Variants in SAMD14 observed in about 807,000 individuals in gnomAD.
SAMD14 encodes the protein sterile alpha motif domain containing 14, also known as sterile alpha motif domain-containing protein 14.
SAMD14 carries 27 observed loss-of-function variants against 46.2 expected under a neutral mutation model. The ratio of observed to expected loss-of-function variants is 0.58; its 90% CI spans 0.43 to 0.81. SAMD14 has a LOEUF of 0.81. Ranked by LOEUF, SAMD14 falls within the 30% of genes least tolerant of loss-of-function variation. The pLI is 0.00. For synonymous variants in SAMD14, 241 were observed against 254.3 expected, an observed-to-expected ratio of 0.95 and a Z score of 0.50; for missense variants, 559 against 582.2, an observed-to-expected ratio of 0.96 and a Z score of 0.41.
chr17:50,122,611 T>G (rs148113074), intron 2 of SAMD14, among the ~76,000 whole-genome samples: 1 of 152,270 alleles, frequency 6.6e-6, no homozygotes, highest in Non-Finnish European at 1.5e-5. Context: ...CTTTGCTGTC[T>G]CCCCAGAGCC....
At chr17:50,117,888 G>T in intron 3 of SAMD14, 193 bp from the exon 4 acceptor site, 1 of 664,546 alleles carries the variant, frequency 1.5e-6, no homozygotes, top group Non-Finnish European at 2.3e-6. Context: ...CACACAGGCT[G>T]GGGCTGAATT....
chr17:50,110,222 C>G lies in SAMD14; in HGVS notation c.*2671G>C. On this transcript the variant is annotated 3_prime_UTR_variant, in exon 10 of 10. Transcript: ENST00000330175. ...TCTCCCTGATGACCAGGTTCTGTCTCTATGGAAGTCACTGCGGTGATAGGT... is the reference window on the plus strand; with the variant it reads ...TCTCCCTGATGACCAGGTTCTGTCTGTATGGAAGTCACTGCGGTGATAGGT... 9.3e-7 allele frequency: 1 copy of G among 1,071,514 alleles called. No homozygotes were observed. Among genetic ancestry groups the G allele is most frequent in the Non-Finnish European group, 1.3e-6 (1 of 767,148 alleles). 66.4% of individuals were successfully genotyped at this position (1,071,514 alleles called of 1,614,324 possible). A position where few individuals can be genotyped will look rare whatever the true frequency, so the allele number is the denominator to read the frequency against.
At chr17:50,118,400 G>A in intron 2 of SAMD14, 73 bp from the exon 3 acceptor site, 1 of 1,553,236 alleles carries the variant, frequency 6.4e-7, no homozygotes, top group South Asian at 1.1e-5. Context: ...CCACCTCAGG[G>A]GCCACCTGCA....
rs769312248 is a variant in SAMD14, at chr17:50,117,512, C to T, written c.394G>A (p.Glu132Lys). 6.7e-7 allele frequency: 1 copy of T among 1,485,732 alleles called. No individual in the cohort carries two copies. Among genetic ancestry groups the T allele is most frequent in the Non-Finnish European group, 8.9e-7 (1 of 1,127,236 alleles). The allele number at this position is 1,485,732 out of a possible 1,614,324, so 92.0% of individuals were successfully genotyped here. Reference sequence around the variant, plus strand: ...GAGCAGGAGGCGGCGGCCAGGCCCTCGTGCGACGCAGCGTTGTGCAGGGGC... The same window carrying T: ...GAGCAGGAGGCGGCGGCCAGGCCCTTGTGCGACGCAGCGTTGTGCAGGGGC... ...YRPLHNAASH[E>K]GLAAASCSPP... Residue 132 changes from glutamate to lysine, a missense_variant, in exon 4 of 10, where the codon GAG (glutamate) becomes AAG (lysine). Physicochemically the swap from Glu to Lys is moderately conservative, Grantham distance 56. Coordinates refer to ENST00000330175, the MANE Select transcript of SAMD14 (RefSeq NM_001257359.2).
At chr17:50,116,399 A>G in intron 4 of SAMD14, 1 of 190,258 alleles carries the variant, frequency 5.3e-6, no homozygotes, top group Non-Finnish European at 1.0e-5. Flanking sequence ...ATCCTGGCCA[A>G]CTTTTTTTTT....
chr17:50,113,390 C>T (rs886543690), intron 9 of SAMD14: 48 of 301,702 alleles, frequency 1.6e-4, no homozygotes, highest in African/African-American at 1.0e-3. Context: ...CAGTTAGTGC[C>T]CAAGGACCCT....
chr17:50,118,136 A>G (rs778236271), intron 3 of SAMD14, 25 bp downstream of exon 3: 31 of 1,563,662 alleles, frequency 2.0e-5, no homozygotes, highest in Non-Finnish European at 2.4e-5. Flanking sequence ...GAGGGTGTAT[A>G]TGTGTTTTCC....
intron 2 of SAMD14, among the ~76,000 whole-genome samples, chr17:50,121,662 A>G (rs1190807381): frequency 6.6e-6 from 1 of 151,258 alleles, no homozygotes; most frequent in Non-Finnish European, 1.5e-5. Flanking sequence ...TGCTTTTGAA[A>G]CTCTCGCAGA....
At position 50,118,226 on chromosome 17, in the gene SAMD14, A is replaced by G. The variant is rs1911338248; in HGVS notation, c.145T>C (p.Ser49Pro). Residue 49 changes from serine (S) to proline (P), a missense_variant, in exon 3 of 10, where the codon TCC becomes CCC. Physicochemically the swap from Ser to Pro is moderately conservative, Grantham distance 74. Transcript: ENST00000330175. ...GAGCTGGCACTGTCCCGAAGCCTGG[A>G]GCGGGATGGCCGGTGTCTCCGGCCC... ...AKGRRHRPSRSRLRDSASSAE... is the reference protein window; with the variant it reads ...AKGRRHRPSRPRLRDSASSAE... 2.5e-6 allele frequency: 4 copies of G among 1,613,612 alleles called. No individual in the cohort carries two copies. Among genetic ancestry groups the G allele is most frequent in the African/African-American group, 2.7e-5 (2 of 74,924 alleles).
rs773010206 is a variant in SAMD14, at chr17:50,112,842, C to T, written c.*51G>A. 28 of 1,571,008 alleles carry T rather than the reference C, an allele frequency of 1.8e-5. No homozygotes were observed. The highest frequency in any genetic ancestry group is 2.2e-4 in the Middle Eastern group (1 of 4,528). On this transcript the variant is annotated 3_prime_UTR_variant, in exon 10 of 10. Transcript: ENST00000330175. ...CAGCCTCCCTGGTGAGGCCTGTGCC[C>T]GCGGAGCCAGTGGCTGCCCCTGCCG... is the stretch of plus-strand genomic sequence containing the variant.
Position 50,117,553 on chromosome 17 carries a change from G to T in SAMD14, c.353C>A (p.Pro118Gln). ...GTGCAGGGGCCGGTAGCGTGTGAGC[G>T]GCGAGGGCGGCGGCTCGTCCTCGTC... ...SLDEDEPPPS[P>Q]LTRYRPLHNA... Residue 118 changes from proline to glutamine, a missense_variant, in exon 4 of 10, where the codon CCG becomes CAG. By Grantham distance (76) the Pro-to-Gln change is moderately conservative (BLOSUM62 -1). Transcript: ENST00000330175. The T allele has an allele frequency of 6.4e-7, 1 of 1,551,828 alleles. No individual in the cohort carries two copies. The highest frequency in any genetic ancestry group is 8.6e-7 in the Non-Finnish European group (1 of 1,159,266).
chr17:50,115,789 G>C lies in SAMD14; in HGVS notation c.662+41C>G. 6.2e-7 allele frequency: 1 copy of C among 1,612,978 alleles called. No homozygotes were observed. The highest frequency in any genetic ancestry group is 8.5e-7 in the Non-Finnish European group (1 of 1,179,876). Reference sequence around the variant, plus strand: ...GAGGACCAGAGCACATGGGGAGCCAGGGGCGGGAGCTGTGGGTGGGCCGCC... The same window carrying C: ...GAGGACCAGAGCACATGGGGAGCCACGGGCGGGAGCTGTGGGTGGGCCGCC... On this transcript the variant is annotated intron_variant, in intron 6 of 9. Coordinates refer to ENST00000330175, the MANE Select transcript of SAMD14 (RefSeq NM_001257359.2). This position sits in a 1 kb window ranked among gnomAD's most constrained non-coding sequence, Gnocchi z 5.3.
Position 50,117,540 on chromosome 17 carries a change from G to A in SAMD14, c.366C>T (p.Tyr122=). 1.3e-6 allele frequency: 2 copies of A among 1,552,330 alleles called. No individual in the cohort carries two copies. The highest frequency in any genetic ancestry group is 1.7e-6 in the Non-Finnish European group (2 of 1,159,618). The stretch of plus-strand genomic sequence containing the variant: ...GCGACGCAGCGTTGTGCAGGGGCCG[G>A]TAGCGTGTGAGCGGCGAGGGCGGCG... ...DEPPPSPLTR[Y]RPLHNAASHE... is the part of the protein sequence containing the mutation. Residue 122 remains tyrosine (Y), a synonymous_variant, in exon 4 of 10, where the codon TAC becomes TAT. Transcript: ENST00000330175.
intron 2 of SAMD14, among the ~76,000 whole-genome samples, chr17:50,122,807 G>A (rs897803904): frequency 5.3e-5 from 8 of 152,110 alleles, no homozygotes; most frequent in African/African-American, 1.9e-4. Context: ...TGCAGCCTTG[G>A]GCTTGGAGCA....
intron 1 of SAMD14, chr17:50,125,256 T>C (rs1239161612): frequency 7.3e-6 from 3 of 412,776 alleles, no homozygotes; most frequent in Non-Finnish European, 1.3e-5. Flanking sequence ...ACTGATTTGC[T>C]GTGTGCCTTC....
Position 50,112,769 on chromosome 17 carries a change from C to T in SAMD14, c.*124G>A. ...GTGACAGGGTAAGAGAGAGCATGTCCCCCCTGAGAGCGTGGGACCAGGCTA... is the reference window on the plus strand; with the variant it reads ...GTGACAGGGTAAGAGAGAGCATGTCTCCCCTGAGAGCGTGGGACCAGGCTA... On this transcript the variant is annotated 3_prime_UTR_variant, in exon 10 of 10. Transcript: ENST00000330175. The T allele has an allele frequency of 8.8e-7, 1 of 1,137,824 alleles. No homozygotes were observed. The highest frequency in any genetic ancestry group is 1.2e-6 in the Non-Finnish European group (1 of 812,744). The allele number at this position is 1,137,824 out of a possible 1,614,324, so 70.5% of individuals were successfully genotyped here.
chr17:50,120,589 A>G (rs1232452355), intron 2 of SAMD14, among the ~76,000 whole-genome samples: 1 of 152,160 alleles, frequency 6.6e-6, no homozygotes, highest in African/African-American at 2.4e-5. Context: ...CTTCCATCTT[A>G]TGCAGATTAA....
In SAMD14 at chr17:50,113,978, A is replaced by C; in HGVS notation, c.1044T>G (p.Ala348=). 8 of 1,613,714 alleles carry C rather than the reference A, an allele frequency of 5.0e-6. No individual in the cohort carries two copies. Among genetic ancestry groups the C allele is most frequent in the Non-Finnish European group, 6.8e-6 (8 of 1,180,026 alleles). The change falls in exon 9 of 10, where the codon GCT becomes GCG. Residue 348 remains alanine, a synonymous_variant. Transcript: ENST00000330175. ...GCTGCGGCCCGTCTACCTGCCGTGCAGCAAACTCAGCAGCATACTGTTCCA... is the reference window on the plus strand; with the variant it reads ...GCTGCGGCCCGTCTACCTGCCGTGCCGCAAACTCAGCAGCATACTGTTCCA... ...LNLEQYAAEF[A]ARQVDGPQLL...
chr17:50,115,986 GC>G lies in SAMD14; in HGVS notation c.587+16del, dbSNP rs1454384858. 38 of 1,613,692 alleles carry G rather than the reference GC, an allele frequency of 2.4e-5. No individual in the cohort carries two copies. Among genetic ancestry groups the G allele is most frequent in the Non-Finnish European group, 3.1e-5 (36 of 1,179,812 alleles). On this transcript the variant is annotated intron_variant, in intron 5 of 9. Coordinates refer to ENST00000330175, the MANE Select transcript of SAMD14 (RefSeq NM_001257359.2). The surrounding 1 kb of genome is among the most constrained non-coding windows in gnomAD (Gnocchi z 5.3). ...CAGCAGCTCCAAGCCCTGCGATCTA[GC>G]CCCGCCTCCACTCACCCCAGGTCCA...
Sources: gnomAD v4.1 joint callset for allele counts (sites outside exome capture counted in the v4.1 genomes callset) on GRCh38, gnomAD v4.1.1 for gene constraint, Gnocchi (gnomAD v3.1) non-coding constraint, MANE v1.5 for transcripts, NCBI Gene and HGNC (gene_info 2026-07-23, HGNC 2026-07-21) for gene names.